The following ZNF394 variants were observed in gnomAD, a reference collection of about 807,000 sequenced individuals.
ZNF394 encodes zinc finger protein 99.
Under a neutral mutation model 21.8 loss-of-function variants are expected in ZNF394, and 19 were observed. The ratio of observed to expected loss-of-function variants is 0.87; its 90% CI spans 0.61 to 1.28. The LOEUF is 1.28. ZNF394 is among the 50% of genes most tolerant of loss of function. ZNF394 has a pLI of 0.00. For missense variants in ZNF394, 683 were observed against 708.6 expected (o/e 0.96, Z 0.41); for synonymous variants, 294 against 273.3 (o/e 1.08, Z -0.75).
At chr7:99,497,120 G>GTATATATATATATATATATA (rs1479965665) in intron 2 of ZNF394, among the ~76,000 whole-genome samples, 8 of 91,380 alleles carry the variant, frequency 8.8e-5, no homozygotes, top group Non-Finnish European at 1.4e-4. Context: ...GTGTGTGTGT[G>GTATATATATATATATATATA]TGTATATATA....
rs757876962 is a variant in ZNF394, at chr7:99,493,483, C to T, written c.*46G>A. 7.4e-6 allele frequency: 11 copies of T among 1,483,780 alleles called. No individual in the cohort carries two copies. The South Asian group carries it at 9.2e-5, about 12-fold the overall frequency. 91.9% of individuals were successfully genotyped at this position (1,483,780 alleles called of 1,614,324 possible). On this transcript the variant is annotated 3_prime_UTR_variant, in exon 3 of 3. Transcript: ENST00000337673. The stretch of plus-strand genomic sequence containing the variant: ...TGTTGGCCAGGCTGGTTTCAAACTC[C>T]TGATCTCAAATGATCTGCCTGCCTT...
rs1800206702 is a variant in ZNF394, at chr7:99,493,467, G to A, written c.*62C>T. 1 of 1,396,632 alleles carries A rather than the reference G, an allele frequency of 7.2e-7. No homozygotes were observed. The allele number at this position is 1,396,632 out of a possible 1,614,324, so 86.5% of individuals were successfully genotyped here. On this transcript the variant is annotated 3_prime_UTR_variant, in exon 3 of 3. Transcript: ENST00000337673. ...AGACAGGATTTTACCATGTTGGCCAGGCTGGTTTCAAACTCCTGATCTCAA... is the reference window on the plus strand; with the variant it reads ...AGACAGGATTTTACCATGTTGGCCAAGCTGGTTTCAAACTCCTGATCTCAA...
At chr7:99,497,155 T>TATGA (rs1285527600) in intron 2 of ZNF394, among the ~76,000 whole-genome samples, 2 of 132,612 alleles carry the variant, frequency 1.5e-5, no homozygotes, top group African/African-American at 6.4e-5. Context: ...TATATATATA[T>TATGA]AAAATGTTTT....
rs982003597 is a variant in ZNF394, at chr7:99,493,382, G to T, written c.*147C>A. ...AGTGATTCTCCTACCTCAGCCTCCCGAATAGCTGGGCTTACAGGCATGCAC... is the reference window on the plus strand; with the variant it reads ...AGTGATTCTCCTACCTCAGCCTCCCTAATAGCTGGGCTTACAGGCATGCAC... On this transcript the variant is annotated 3_prime_UTR_variant, in exon 3 of 3. Coordinates refer to ENST00000337673, the MANE Select transcript of ZNF394 (RefSeq NM_032164.4). 2 of 1,002,520 alleles carry T rather than the reference G, an allele frequency of 2.0e-6. No homozygotes were observed. Among genetic ancestry groups the T allele is most frequent in the Non-Finnish European group, 2.8e-6 (2 of 715,960 alleles). The allele number at this position is 1,002,520 out of a possible 1,614,324, so 62.1% of individuals were successfully genotyped here. A position where few individuals can be genotyped will look rare whatever the true frequency, so the allele number is the denominator to read the frequency against.
intron 2 of ZNF394, chr7:99,498,420 T>G (rs977623704): frequency 3.5e-6 from 1 of 286,068 alleles, no homozygotes; most frequent in Non-Finnish European, 6.8e-6. Context: ...TGTAACATAC[T>G]ATTTCCTTGG....
rs375965460 is a variant in ZNF394 at position 99,493,499 on chromosome 7, T to C, written c.*30A>G. The C allele has an allele frequency of 1.1e-4, 162 of 1,526,008 alleles. No individual in the cohort carries two copies. The highest frequency in any genetic ancestry group is 1.3e-4 in the Non-Finnish European group (146 of 1,129,378). The allele number at this position is 1,526,008 out of a possible 1,614,324, so 94.5% of individuals were successfully genotyped here. Reference sequence around the variant, plus strand: ...TTCAAACTCCTGATCTCAAATGATCTGCCTGCCTTGGCCTCCCAAAGTGCT... The same window carrying C: ...TTCAAACTCCTGATCTCAAATGATCCGCCTGCCTTGGCCTCCCAAAGTGCT... On this transcript the variant is annotated 3_prime_UTR_variant, in exon 3 of 3. Transcript: ENST00000337673.
chr7:99,499,826 G>C lies in ZNF394; in HGVS notation c.268C>G (p.Arg90Gly). ...AGCAGCTCGGGTCTCAGCCACCGAC[G>C]ACAGAGTTCTCGGAGCCGGCTCAGC... ...EALSRLRELC[R>G]RWLRPELLSK... The change falls in exon 1 of 3, where the codon CGT (arginine) becomes GGT (glycine). Residue 90 changes from arginine to glycine, a missense_variant. By Grantham distance (125) the Arg-to-Gly change is moderately radical. This residue lies in a region of ZNF394 where 402 missense variants were observed against 373.8 expected (regional missense o/e 1.08). Transcript: ENST00000337673. 6.2e-7 allele frequency: 1 copy of C among 1,614,202 alleles called. No individual in the cohort carries two copies. Among genetic ancestry groups the C allele is most frequent in the Non-Finnish European group, 8.5e-7 (1 of 1,180,044 alleles).
Position 99,493,906 on chromosome 7 carries a change from T to C in ZNF394, c.1309A>G (p.Ser437Gly). 1.2e-6 allele frequency: 2 copies of C among 1,614,254 alleles called. No homozygotes were observed. The highest frequency in any genetic ancestry group is 2.2e-5 in the South Asian group (2 of 91,090). The part of the protein sequence containing the change: ...SHLNRHQSTH[S>G]RDKHFKCEEC... Reference sequence around the variant, plus strand: ...TCACATTTAAAATGTTTGTCTCTACTGTGGGTACTTTGATGACGATTTAGG... The same window carrying C: ...TCACATTTAAAATGTTTGTCTCTACCGTGGGTACTTTGATGACGATTTAGG... The change falls in exon 3 of 3, where the codon AGT (serine) becomes GGT (glycine). Residue 437 changes from serine to glycine, a missense_variant. Ser to Gly is a moderately conservative substitution (Grantham distance 56). Coordinates refer to ENST00000337673, the MANE Select transcript of ZNF394 (RefSeq NM_032164.4).
At chr7:99,498,675 A>G in intron 2 of ZNF394, 41 bp downstream of exon 2, 1 of 1,612,940 alleles carries the variant, frequency 6.2e-7, no homozygotes. Context: ...GCCCTTCACA[A>G]ACCACACACC....
In ZNF394 at chr7:99,494,294, G is replaced by A. The variant is rs773023413; in HGVS notation, c.921C>T (p.Pro307=). Residue 307 remains proline, a synonymous_variant, in exon 3 of 3, where the codon CCC becomes CCT. Transcript: ENST00000337673. ...TGTTCCCGTGTTCCTCACTGTCAGT[G>A]GGCCTCTCTGCTTTCGGGATGTGCT... is the stretch of plus-strand genomic sequence containing the variant. The part of the protein sequence containing the change: ...LCQHIPKAER[P]TDSEEHGNKC... The A allele has an allele frequency of 6.2e-7, 1 of 1,614,252 alleles. No individual in the cohort carries two copies. The highest frequency in any genetic ancestry group is 1.1e-5 in the South Asian group (1 of 91,092).
downstream of ZNF394, among the ~76,000 whole-genome samples, chr7:99,489,761 T>C (rs143409090): frequency 9.2e-5 from 14 of 152,330 alleles, no homozygotes; most frequent in East Asian, 2.3e-3. Context: ...TTGAGCTGAG[T>C]GTATTCTCCC....
At position 99,494,526 on chromosome 7, in the gene ZNF394, G is replaced by T; in HGVS notation, c.689C>A (p.Pro230His). 1 of 1,613,510 alleles carries T rather than the reference G, an allele frequency of 6.2e-7. No homozygotes were observed. Among genetic ancestry groups the T allele is most frequent in the African/African-American group, 1.3e-5 (1 of 74,988 alleles). Reference sequence around the variant, plus strand: ...GGTACTGCCACACTTAGAAAACAGGGGGCGCTTCCCCTGGAACGCTTCTTG... The same window carrying T: ...GGTACTGCCACACTTAGAAAACAGGTGGCGCTTCCCCTGGAACGCTTCTTG... ...QLQEAFQGKR[P>H]LFSKCGSTHE... Residue 230 changes from proline to histidine, a missense_variant, in exon 3 of 3, where the codon CCC (proline) becomes CAC (histidine). This residue lies in a region of ZNF394 where 402 missense variants were observed against 373.8 expected (regional missense o/e 1.08). Transcript: ENST00000337673.
intron 1 of ZNF394, 107 bp downstream of exon 1, chr7:99,499,531 C>T (rs1800448838): frequency 1.4e-5 from 15 of 1,054,114 alleles, no homozygotes; most frequent in African/African-American, 3.2e-5. Flanking sequence ...ATACACACCC[C>T]AATGTTCACA....
In ZNF394 at chr7:99,493,280, G is replaced by A. The variant is rs1312678484; in HGVS notation, c.*249C>T. 1.7e-6 allele frequency: 2 copies of A among 1,184,070 alleles called. No homozygotes were observed. Among genetic ancestry groups the A allele is most frequent in the Non-Finnish European group, 1.0e-6 (1 of 953,850 alleles). 73.3% of individuals were successfully genotyped at this position (1,184,070 alleles called of 1,614,324 possible). On this transcript the variant is annotated 3_prime_UTR_variant, in exon 3 of 3. Coordinates refer to ENST00000337673, the MANE Select transcript of ZNF394 (RefSeq NM_032164.4). ...CAGCACTTTATTTCTTTTTTGAGATGGAGTCTCGCTCTGTTGCCCAGGCTG... is the reference window on the plus strand; with the variant it reads ...CAGCACTTTATTTCTTTTTTGAGATAGAGTCTCGCTCTGTTGCCCAGGCTG...
chr7:99,497,388 G>C (rs2151083904), intron 2 of ZNF394, among the ~76,000 whole-genome samples: 1 of 150,510 alleles, frequency 6.6e-6, no homozygotes, highest in South Asian at 2.1e-4. Flanking sequence ...CACCGTGTTA[G>C]CCAGGATAGT....
rs1392398007 is a variant in ZNF394 at position 99,494,315 on chromosome 7, GTGCT to G, written c.896_899del (p.Gln299ProfsTer25). On this transcript the variant is annotated frameshift_variant, in exon 3 of 3. Coordinates refer to ENST00000337673, the MANE Select transcript of ZNF394 (RefSeq NM_032164.4). LOFTEE classifies it low-confidence loss of function (END_TRUNC). The stretch of plus-strand genomic sequence containing the variant: ...CAGTGGGCCTCTCTGCTTTCGGGAT[GTGCT>G]GACATAGAACAAGGTTGGAACACCT... The G allele has an allele frequency of 5.0e-6, 8 of 1,614,226 alleles. No homozygotes were observed. The highest frequency in any genetic ancestry group is 5.1e-6 in the Non-Finnish European group (6 of 1,180,050).
downstream of ZNF394, among the ~76,000 whole-genome samples, chr7:99,489,055 C>T (rs991816948): frequency 6.6e-6 from 1 of 151,642 alleles, no homozygotes; most frequent in African/African-American, 2.4e-5. Context: ...GAGGCTGAGG[C>T]GAGTGGATCA....
At chr7:99,489,999 C>T (rs964864498), downstream of ZNF394, among the ~76,000 whole-genome samples, 4 of 151,250 alleles carry the variant, frequency 2.6e-5, no homozygotes, top group Admixed American at 6.6e-5. Context: ...AGTGAGACCC[C>T]GTGTCAAAAA....
In ZNF394 at chr7:99,494,406, A is replaced by T; in HGVS notation, c.809T>A (p.Val270Asp). ...CCCTTCTATGGAACCATTCTTATTG[A>T]CATCTGAGATGCTGTTGAGTCCTTC... ...EAEGLNSISD[V>D]NKNGSIEGED... is the part of the protein sequence containing the mutation. Residue 270 changes from valine to aspartate, a missense_variant, in exon 3 of 3, where the codon GTC becomes GAC. This residue lies in a region of ZNF394 where 402 missense variants were observed against 373.8 expected (regional missense o/e 1.08). Transcript: ENST00000337673. 1 of 1,614,072 alleles carries T rather than the reference A, an allele frequency of 6.2e-7. No individual in the cohort carries two copies. Among genetic ancestry groups the T allele is most frequent in the Non-Finnish European group, 8.5e-7 (1 of 1,180,026 alleles).
Sources: gnomAD v4.1 joint callset for allele counts (sites outside exome capture counted in the v4.1 genomes callset) on GRCh38, gnomAD v4.1.1 for gene constraint, gnomAD v4.1.1 regional missense constraint, MANE v1.5 for transcripts, NCBI Gene and HGNC (gene_info 2026-07-23, HGNC 2026-07-21) for gene names.